Variants in RNF175 observed in about 807,000 individuals in gnomAD.
RNF175 encodes the protein ring finger protein 175.
In RNF175, 38 loss-of-function variants were observed where a neutral mutation model predicts 50.0. That is an observed-to-expected ratio of 0.76 (90% confidence interval 0.59 to 1.00). RNF175 has a LOEUF of 1.00. RNF175 is among the 50% of genes least tolerant of loss of function. The pLI, the probability that RNF175 is intolerant of heterozygous loss-of-function variation, is 0.00. For missense variants in RNF175, 388 were observed against 409.6 expected, an observed-to-expected ratio of 0.95 and a Z score of 0.46; for synonymous variants, 155 against 146.1, an observed-to-expected ratio of 1.06 and a Z score of -0.44.
intron 3 of RNF175, among the ~76,000 whole-genome samples, chr4:153,745,282 G>A (rs139405510): frequency 2.4e-4 from 37 of 152,236 alleles, no homozygotes; most frequent in African/African-American, 8.7e-4. Context: ...CTATTGAATC[G>A]GAAACTCTAT....
In RNF175 at chr4:153,759,463, CA is replaced by C. The variant is rs1740718377; in HGVS notation, c.66+333del. On this transcript the variant is annotated intron_variant, in intron 1 of 8. Coordinates refer to ENST00000347063, the MANE Select transcript of RNF175 (RefSeq NM_173662.4). The stretch of plus-strand genomic sequence containing the variant: ...GAGGAGGGAGGAGGGCACAGGCGGT[CA>C]CAAAGGAGGGCGGGAGTGGAAGGGG... Among the ~76,000 whole-genome samples, 3 of 152,082 alleles carry C rather than the reference CA, an allele frequency of 2.0e-5. No homozygotes were observed. In the South Asian group the frequency reaches 6.2e-4, roughly 32 times the overall value.
chr4:153,755,847 A>G (rs926221640), intron 1 of RNF175, among the ~76,000 whole-genome samples: 6 of 152,232 alleles, frequency 3.9e-5, no homozygotes, highest in African/African-American at 1.4e-4. Flanking sequence ...ACATAAAAGA[A>G]TCTGTAAGAT....
Position 153,759,828 on chromosome 4 carries a change from G to A in RNF175, c.35C>T (p.Pro12Leu), listed in dbSNP as rs1473329685. ...AAGTAARKAAPVLEAPPQQEQ... is the reference protein window; with the variant it reads ...AAGTAARKAALVLEAPPQQEQ... ...CTGCTGCGGGGGGGCCTCCAGCACC[G>A]GCGCTGCCTTCCGCGCCGCCGTCCC... The change falls in exon 1 of 9, where the codon CCG becomes CTG. Residue 12 changes from proline (P) to leucine (L), a missense_variant. Coordinates refer to ENST00000347063, the MANE Select transcript of RNF175 (RefSeq NM_173662.4). The A allele has an allele frequency of 2.0e-6, 3 of 1,468,860 alleles. No homozygotes were observed. The highest frequency in any genetic ancestry group is 1.5e-5 in the African/African-American group (1 of 67,790). The allele number at this position is 1,468,860 out of a possible 1,614,324, so 91.0% of individuals were successfully genotyped here.
At chr4:153,731,860 T>C (rs1214039419) in intron 3 of RNF175, among the ~76,000 whole-genome samples, 1 of 151,840 alleles carries the variant, frequency 6.6e-6, no homozygotes, top group Non-Finnish European at 1.5e-5. Context: ...CAGAAAATTA[T>C]CATAAAAAAA....
chr4:153,759,845 C>A lies in RNF175; in HGVS notation c.18G>T (p.Ala6=). 1 of 1,459,982 alleles carries A rather than the reference C, an allele frequency of 6.8e-7. No individual in the cohort carries two copies. Among genetic ancestry groups the A allele is most frequent in the Non-Finnish European group, 9.0e-7 (1 of 1,113,556 alleles). The allele number at this position is 1,459,982 out of a possible 1,614,324, so 90.4% of individuals were successfully genotyped here. MAAGT[A]ARKAAPVLEA... is the part of the protein sequence containing the mutation. ...CCAGCACCGGCGCTGCCTTCCGCGC[C>A]GCCGTCCCCGCGGCCATGCCTGAGC... Residue 6 remains alanine (A), a synonymous_variant, in exon 1 of 9, where the codon GCG becomes GCT. Transcript: ENST00000347063.
At chr4:153,743,708 T>C (rs1739811093) in intron 3 of RNF175, among the ~76,000 whole-genome samples, 1 of 152,080 alleles carries the variant, frequency 6.6e-6, no homozygotes, top group Non-Finnish European at 1.5e-5. Context: ...AGGAGCTGTG[T>C]GACAGAGGGA....
intron 1 of RNF175, among the ~76,000 whole-genome samples, chr4:153,754,385 C>A (rs1367496474): frequency 6.6e-6 from 1 of 152,102 alleles, no homozygotes; most frequent in Non-Finnish European, 1.5e-5. Context: ...CCTCAATTAA[C>A]TGCAGTGAGG....
rs892940140 is a variant in RNF175 at position 153,748,962 on chromosome 4, T to C, written c.105-176A>G. On this transcript the variant is annotated intron_variant, in intron 2 of 8. Transcript: ENST00000347063. The stretch of plus-strand genomic sequence containing the variant: ...ATTGTAAAGTTTTTCTAAGTTTTTC[T>C]TGGTTTCTTCCCTTTCCCTAGATCT... The C allele has an allele frequency of 8.0e-5, 48 of 599,536 alleles. No homozygotes were observed. In the African/African-American group the frequency reaches 8.7e-4, roughly 11 times the overall value. 37.1% of individuals were successfully genotyped at this position (599,536 alleles called of 1,614,324 possible).
chr4:153,710,977 T>C (rs1245691535), intron 8 of RNF175, among the ~76,000 whole-genome samples: 1 of 152,202 alleles, frequency 6.6e-6, no homozygotes, highest in Non-Finnish European at 1.5e-5. Flanking sequence ...GCATAGTGTC[T>C]CCGACAACAA....
chr4:153,736,116 C>G (rs983481713), intron 3 of RNF175, among the ~76,000 whole-genome samples: 1 of 152,190 alleles, frequency 6.6e-6, no homozygotes, highest in East Asian at 1.9e-4. Context: ...TGTAGGCACT[C>G]TTTATCAAGT....
chr4:153,742,022 G>C (rs1739685626), intron 3 of RNF175, among the ~76,000 whole-genome samples: 1 of 152,128 alleles, frequency 6.6e-6, no homozygotes, highest in African/African-American at 2.4e-5. Context: ...TGTAATCCCA[G>C]CACCTTGGGA....
At chr4:153,745,543 C>T (rs1296967577) in intron 3 of RNF175, 1 of 152,194 alleles carries the variant, frequency 6.6e-6, no homozygotes, top group African/African-American at 2.4e-5. Context: ...GATATGCAAA[C>T]CATTAATGCC....
At chr4:153,755,593 A>T (rs1197361353) in intron 1 of RNF175, among the ~76,000 whole-genome samples, 1 of 151,946 alleles carries the variant, frequency 6.6e-6, no homozygotes, top group Non-Finnish European at 1.5e-5. Context: ...AACCTCAAAG[A>T]CATGGAAAAC....
At chr4:153,749,423 T>C (rs1309820785) in intron 2 of RNF175, among the ~76,000 whole-genome samples, 1 of 152,224 alleles carries the variant, frequency 6.6e-6, no homozygotes, top group Non-Finnish European at 1.5e-5. Flanking sequence ...AGATGGTGCT[T>C]ATGCCAGAGG....
intron 6 of RNF175, among the ~76,000 whole-genome samples, chr4:153,719,034 G>C (rs1425598322): frequency 1.3e-5 from 2 of 152,116 alleles, no homozygotes; most frequent in Non-Finnish European, 2.9e-5. Context: ...GTACCATGGT[G>C]GTTTGCTGCA....
chr4:153,733,675 T>C (rs943280782), intron 3 of RNF175, among the ~76,000 whole-genome samples: 1 of 152,164 alleles, frequency 6.6e-6, no homozygotes. Context: ...TGCAGTTAGA[T>C]CCCCTTGCAC....
At chr4:153,727,118 A>G (rs1246141944) in intron 4 of RNF175, among the ~76,000 whole-genome samples, 1 of 152,220 alleles carries the variant, frequency 6.6e-6, no homozygotes, top group Admixed American at 6.5e-5. Flanking sequence ...AAACAAGCAC[A>G]TTTTGATTCA....
intron 6 of RNF175, among the ~76,000 whole-genome samples, chr4:153,717,662 G>A (rs1428938025): frequency 6.6e-6 from 1 of 152,084 alleles, no homozygotes; most frequent in Non-Finnish European, 1.5e-5. Context: ...TTAACCCATA[G>A]ACTTGACAGC....
intron 1 of RNF175, among the ~76,000 whole-genome samples, chr4:153,755,004 TCC>T (rs1314951715): frequency 1.3e-5 from 2 of 152,222 alleles, no homozygotes; most frequent in Non-Finnish European, 2.9e-5. Context: ...ATCTTCCCTG[TCC>T]CAGCAGATCC....
Sources: allele counts gnomAD v4.1 joint callset (sites outside exome capture counted in the v4.1 genomes callset), GRCh38; gene constraint gnomAD v4.1.1; transcripts MANE v1.5; gene names NCBI Gene and HGNC (gene_info 2026-07-23, HGNC 2026-07-21).